Variants in UBE2T observed in about 807,000 individuals in gnomAD.
UBE2T encodes the protein ubiquitin conjugating enzyme E2 T.
Under a neutral mutation model 23.3 loss-of-function variants are expected in UBE2T, and 15 were observed. The observed-to-expected ratio is 0.64, with a 90% CI of 0.43 to 0.99. UBE2T has a LOEUF of 0.99. UBE2T is among the 50% of genes least tolerant of loss of function. The pLI is 0.00. For synonymous variants in UBE2T, 67 were observed against 78.4 expected, an observed-to-expected ratio of 0.85 and a Z score of 0.77; for missense variants, 197 against 234.9, an observed-to-expected ratio of 0.84 and a Z score of 1.05.
At chr1:202,341,065 C>G (rs1307897651) in intron 1 of UBE2T, among the ~76,000 whole-genome samples, 3 of 152,206 alleles carry the variant, frequency 2.0e-5, no homozygotes, top group Admixed American at 6.5e-5. Flanking sequence ...TATTAAATCA[C>G]AACTCCTTCT....
chr1:202,331,727 C>A lies in UBE2T; in HGVS notation c.*108G>T. On this transcript the variant is annotated 3_prime_UTR_variant, in exon 7 of 7. Transcript: ENST00000646651. The stretch of plus-strand genomic sequence containing the variant: ...AATACATATGTACAAGATAAATAAA[C>A]TACACAAAAATTATGTCATCAAATA... 1 of 1,364,892 alleles carries A rather than the reference C, an allele frequency of 7.3e-7. No homozygotes were observed. The highest frequency in any genetic ancestry group is 2.1e-5 in the Admixed American group (1 of 46,996). 84.5% of individuals were successfully genotyped at this position (1,364,892 alleles called of 1,614,324 possible). A position where few individuals can be genotyped will look rare whatever the true frequency, so the allele number is the denominator to read the frequency against.
Position 202,335,396 on chromosome 1 carries a change from C to A in UBE2T, c.109+250G>T, listed in dbSNP as rs149963631. Reference sequence around the variant, plus strand: ...CCTCACAGATATTTGAGATGGTTATCTTTGATCTAAACACTGCTTCACTGC... The same window carrying A: ...CCTCACAGATATTTGAGATGGTTATATTTGATCTAAACACTGCTTCACTGC... On this transcript the variant is annotated intron_variant, in intron 2 of 6. Transcript: ENST00000646651. This position sits in a 1 kb window ranked among gnomAD's most constrained non-coding sequence, Gnocchi z 4.0. 2,164 of 546,218 alleles carry A rather than the reference C, an allele frequency of 4.0e-3. 2 individuals carry two copies. The highest frequency in any genetic ancestry group is 6.8e-3 in the Middle Eastern group (14 of 2,074). 33.8% of individuals were successfully genotyped at this position (546,218 alleles called of 1,614,324 possible). A position where few individuals can be genotyped will look rare whatever the true frequency, so the allele number is the denominator to read the frequency against.
intron 6 of UBE2T, 85 bp downstream of exon 6, chr1:202,332,925 A>C (rs1398702514): frequency 7.0e-6 from 3 of 431,304 alleles, no homozygotes; most frequent in Non-Finnish European, 6.8e-6. Flanking sequence ...AAAAAAAAAA[A>C]AAAAAAAAAA....
intron 1 of UBE2T, among the ~76,000 whole-genome samples, chr1:202,341,563 G>A (rs1655005619): frequency 1.7e-5 from 2 of 115,640 alleles, no homozygotes; most frequent in East Asian, 2.9e-4. Flanking sequence ...GGGCGACAGA[G>A]CGAGACTCCG....
At chr1:202,332,229 G>A (rs1654767614) in intron 6 of UBE2T, among the ~76,000 whole-genome samples, 1 of 152,168 alleles carries the variant, frequency 6.6e-6, no homozygotes, top group African/African-American at 2.4e-5. Flanking sequence ...CCATGTTCCT[G>A]TAATTTGAAT....
In UBE2T at chr1:202,331,719, TA is replaced by T. The variant is rs1654748018; in HGVS notation, c.*115del. 2 of 1,295,398 alleles carry T rather than the reference TA, an allele frequency of 1.5e-6. No individual in the cohort carries two copies. Among genetic ancestry groups the T allele is most frequent in the Non-Finnish European group, 2.1e-6 (2 of 932,342 alleles). The allele number at this position is 1,295,398 out of a possible 1,614,324, so 80.2% of individuals were successfully genotyped here. ...GATTTCAAAATACATATGTACAAGA[TA>T]AATAAACTACACAAAAATTATGTCA... is the stretch of plus-strand genomic sequence containing the variant. On this transcript the variant is annotated 3_prime_UTR_variant, in exon 7 of 7. Coordinates refer to ENST00000646651, the MANE Select transcript of UBE2T (RefSeq NM_014176.4).
At position 202,335,773 on chromosome 1, in the gene UBE2T, A is replaced by AT; in HGVS notation, c.-20_-19insA. 6.2e-7 allele frequency: 1 copy of AT among 1,610,740 alleles called. No homozygotes were observed. Among genetic ancestry groups the AT allele is most frequent in the Admixed American group, 1.7e-5 (1 of 60,014 alleles). Reference sequence around the variant, plus strand: ...TCTGCATGATCCCCAAGTAGAAGGAACCACACACAGTTCACTGCTCCACAC... The same window carrying AT: ...TCTGCATGATCCCCAAGTAGAAGGAATCCACACACAGTTCACTGCTCCACAC... On this transcript the variant is annotated 5_prime_UTR_variant, in exon 2 of 7. Coordinates refer to ENST00000646651, the MANE Select transcript of UBE2T (RefSeq NM_014176.4). This position sits in a 1 kb window ranked among gnomAD's most constrained non-coding sequence, Gnocchi z 4.0.
In UBE2T at chr1:202,333,111, A is replaced by C; in HGVS notation, c.385-18T>G. On this transcript the variant is annotated intron_variant, in intron 5 of 6. Coordinates refer to ENST00000646651, the MANE Select transcript of UBE2T (RefSeq NM_014176.4). ...TCTGAGGACTGAGATGAAATCAAAG[A>C]AAAGAGTTAATGGAGAAAAACATGA... The C allele has an allele frequency of 1.2e-6, 2 of 1,610,904 alleles. No individual in the cohort carries two copies. Among genetic ancestry groups the C allele is most frequent in the Non-Finnish European group, 1.7e-6 (2 of 1,177,158 alleles).
In UBE2T at chr1:202,335,288, A is replaced by G. The variant is rs1654856457; in HGVS notation, c.110-230T>C. ...GAAAATCTAAAGCAGAAGTTGCAAA[A>G]TGCTGGCCACAAGACCAAATACAAC... On this transcript the variant is annotated intron_variant, in intron 2 of 6. Coordinates refer to ENST00000646651, the MANE Select transcript of UBE2T (RefSeq NM_014176.4). The surrounding 1 kb of genome is among the most constrained non-coding windows in gnomAD (Gnocchi z 4.0). 1.8e-6 allele frequency: 1 copy of G among 558,298 alleles called. No homozygotes were observed. The highest frequency in any genetic ancestry group is 1.9e-5 in the African/African-American group (1 of 53,420). 34.6% of individuals were successfully genotyped at this position (558,298 alleles called of 1,614,324 possible). A position where few individuals can be genotyped will look rare whatever the true frequency, so the allele number is the denominator to read the frequency against.
rs375045257 is a variant in UBE2T at position 202,331,979 on chromosome 1, GA to G, written c.469-20del. The G allele has an allele frequency of 6.5e-5, 105 of 1,613,584 alleles. No homozygotes were observed. In the East Asian group the frequency reaches 1.3e-3, roughly 20 times the overall value. On this transcript the variant is annotated intron_variant, in intron 6 of 6. Coordinates refer to ENST00000646651, the MANE Select transcript of UBE2T (RefSeq NM_014176.4). ...CATCAGCCTAAAGAGGAGACAGGGTGAAACACAGTAAGGTTCACACAAATGC... is the reference window on the plus strand; with the variant it reads ...CATCAGCCTAAAGAGGAGACAGGGTGAACACAGTAAGGTTCACACAAATGC...
chr1:202,337,626 AT>A (rs1214029915), intron 1 of UBE2T, among the ~76,000 whole-genome samples: 1 of 152,042 alleles, frequency 6.6e-6, no homozygotes, highest in East Asian at 1.9e-4. Context: ...ATATGTGTGG[AT>A]TTGTTTTGGG....
chr1:202,335,092 G>A lies in UBE2T; in HGVS notation c.110-34C>T. ...AAAAAAGAAAGAAAAAGTTAAAAGGGAATCAGATCATTTGAATTACTACCA... is the reference window on the plus strand; with the variant it reads ...AAAAAAGAAAGAAAAAGTTAAAAGGAAATCAGATCATTTGAATTACTACCA... On this transcript the variant is annotated intron_variant, in intron 2 of 6. Transcript: ENST00000646651. This position sits in a 1 kb window ranked among gnomAD's most constrained non-coding sequence, Gnocchi z 4.0. 6.5e-7 allele frequency: 1 copy of A among 1,549,466 alleles called. No homozygotes were observed. Among genetic ancestry groups the A allele is most frequent in the Admixed American group, 1.8e-5 (1 of 55,096 alleles).
At chr1:202,341,186 T>C (rs1037608822) in intron 1 of UBE2T, among the ~76,000 whole-genome samples, 1 of 152,244 alleles carries the variant, frequency 6.6e-6, no homozygotes, top group Admixed American at 6.5e-5. Context: ...TTAGGAGGAA[T>C]TCCTTGACAG....
In UBE2T at chr1:202,333,244, G is replaced by A. The variant is rs201271123; in HGVS notation, c.377C>T (p.Ala126Val). 1 of 1,614,192 alleles carries A rather than the reference G, an allele frequency of 6.2e-7. No individual in the cohort carries two copies. The highest frequency in any genetic ancestry group is 1.3e-5 in the African/African-American group (1 of 75,052). The part of the protein sequence containing the change: ...SEPNPDDPLM[A>V]DISSEFKYNK... ...GAAAATGGGGATATTTACTATGTCAGCCATGAGCGGGTCATCAGGGTTGGG... is the reference window on the plus strand; with the variant it reads ...GAAAATGGGGATATTTACTATGTCAACCATGAGCGGGTCATCAGGGTTGGG... Residue 126 changes from alanine (A) to valine (V), a missense_variant, in exon 5 of 7, where the codon GCT becomes GTT. Physicochemically the swap from Ala to Val is moderately conservative, Grantham distance 64. Coordinates refer to ENST00000646651, the MANE Select transcript of UBE2T (RefSeq NM_014176.4).
intron 1 of UBE2T, among the ~76,000 whole-genome samples, chr1:202,336,703 A>G (rs1226250595): frequency 6.6e-6 from 1 of 152,164 alleles, no homozygotes; most frequent in East Asian, 1.9e-4. Flanking sequence ...CAAGAATGGT[A>G]GAGATAGTCA....
chr1:202,337,221 G>A (rs1432074403), intron 1 of UBE2T, among the ~76,000 whole-genome samples: 6 of 152,150 alleles, frequency 3.9e-5, no homozygotes, highest in Admixed American at 2.0e-4. Flanking sequence ...GATTACAGGC[G>A]TGAGCCACCG....
intron 1 of UBE2T, among the ~76,000 whole-genome samples, chr1:202,337,695 T>C (rs888130680): frequency 6.6e-6 from 1 of 152,234 alleles, no homozygotes. Flanking sequence ...ACTCCACTGT[T>C]TGAATTACTA....
In UBE2T at chr1:202,335,061, TAAAAGAA is replaced by T. The variant is rs1558101029; in HGVS notation, c.110-10_110-4del. On this transcript the variant is annotated splice_polypyrimidine_tract_variant and splice_region_variant and intron_variant, in intron 2 of 6. Coordinates refer to ENST00000646651, the MANE Select transcript of UBE2T (RefSeq NM_014176.4). The surrounding 1 kb of genome is among the most constrained non-coding windows in gnomAD (Gnocchi z 4.0). ...TGTGTTGGCTCCACCTAATATTTCT[TAAAAGAA>T]AAAAGAAAGAAAAAGTTAAAAGGGA... is the stretch of plus-strand genomic sequence containing the variant. The T allele has an allele frequency of 1.2e-6, 2 of 1,605,828 alleles. No homozygotes were observed. The highest frequency in any genetic ancestry group is 3.4e-5 in the Admixed American group (2 of 58,856).
rs1032857476 is a variant in UBE2T at position 202,335,800 on chromosome 1, A to G, written c.-46T>C. 4 of 1,562,434 alleles carry G rather than the reference A, an allele frequency of 2.6e-6. No homozygotes were observed. The highest frequency in any genetic ancestry group is 3.5e-6 in the Non-Finnish European group (4 of 1,134,340). ...CACACACAGTTCACTGCTCCACACT[A>G]AGAGCTGCCTGGGATGCACTGGAGG... On this transcript the variant is annotated 5_prime_UTR_variant, in exon 2 of 7. Coordinates refer to ENST00000646651, the MANE Select transcript of UBE2T (RefSeq NM_014176.4). This position sits in a 1 kb window ranked among gnomAD's most constrained non-coding sequence, Gnocchi z 4.0.
Sources: gnomAD v4.1 joint callset for allele counts (sites outside exome capture counted in the v4.1 genomes callset) on GRCh38, gnomAD v4.1.1 for gene constraint, Gnocchi (gnomAD v3.1) non-coding constraint, MANE v1.5 for transcripts, NCBI Gene and HGNC (gene_info 2026-07-23, HGNC 2026-07-21) for gene names.